NPAS3: variants seen among roughly 807,000 people sequenced by gnomAD.
The protein encoded by NPAS3 is neuronal PAS domain-containing protein 3.
A neutral mutation model predicts 73.1 loss-of-function variants in NPAS3; 14 were observed. The observed-to-expected ratio is 0.19, with a 90% CI of 0.13 to 0.30. NPAS3 has a LOEUF of 0.30. Ranked by LOEUF, NPAS3 falls within the 10% of genes least tolerant of loss-of-function variation. The pLI is 1.00. For synonymous variants in NPAS3, 620 were observed against 541.5 expected (o/e 1.14, Z -2.01); for missense variants, 1,096 against 1,250.0 (o/e 0.88, Z 1.86).
intron 4 of NPAS3, among the ~76,000 whole-genome samples, chr14:33,371,628 G>A (rs1244359107): frequency 6.6e-6 from 1 of 152,044 alleles, no homozygotes; most frequent in Non-Finnish European, 1.5e-5. Flanking sequence ...CCATTTTCCT[G>A]CTATTGAGTA....
intron 4 of NPAS3, among the ~76,000 whole-genome samples, chr14:33,434,262 C>G (rs1470658776): frequency 6.6e-6 from 1 of 152,032 alleles, no homozygotes; most frequent in African/African-American, 2.4e-5. Flanking sequence ...TGTGGTGGCT[C>G]ACACCTGTAA....
intron 2 of NPAS3, among the ~76,000 whole-genome samples, chr14:33,169,939 A>C (rs1174527362): frequency 6.6e-6 from 1 of 152,230 alleles, no homozygotes; most frequent in African/African-American, 2.4e-5. Flanking sequence ...ACATCAGTGA[A>C]AAGTGACCTA....
chr14:33,167,266 C>T (rs538686723), intron 2 of NPAS3, among the ~76,000 whole-genome samples: 1 of 152,170 alleles, frequency 6.6e-6, no homozygotes, highest in Non-Finnish European at 1.5e-5. Flanking sequence ...TCTATAAACT[C>T]TCTCAAAGTG....
intron 2 of NPAS3, among the ~76,000 whole-genome samples, chr14:33,172,168 CA>C (rs1206011378): frequency 6.6e-6 from 1 of 152,004 alleles, no homozygotes; most frequent in East Asian, 1.9e-4. Context: ...AATGAATTAC[CA>C]AAATGTGACA....
At chr14:33,736,234 C>A (rs2061520923) in intron 7 of NPAS3, among the ~76,000 whole-genome samples, 1 of 152,168 alleles carries the variant, frequency 6.6e-6, no homozygotes, top group South Asian at 2.1e-4. Flanking sequence ...ATGGTAACAG[C>A]CAGTATCATT....
chr14:33,035,338 C>T (rs2040129286), intron 1 of NPAS3, among the ~76,000 whole-genome samples: 1 of 151,942 alleles, frequency 6.6e-6, no homozygotes, highest in African/African-American at 2.4e-5. Context: ...CTAGGACTTG[C>T]CTTTGGAGGA....
chr14:33,478,233 T>C (rs2051140506), intron 4 of NPAS3, among the ~76,000 whole-genome samples: 1 of 152,172 alleles, frequency 6.6e-6, no homozygotes, highest in Admixed American at 6.5e-5. Flanking sequence ...CTAATAACAT[T>C]AAATCAACCT....
chr14:32,995,398 T>C (rs2038526336), intron 1 of NPAS3, among the ~76,000 whole-genome samples: 1 of 152,230 alleles, frequency 6.6e-6, no homozygotes, highest in Non-Finnish European at 1.5e-5. Context: ...ATGGTAGTCC[T>C]GGCTGAGGCC....
At chr14:33,516,432 T>A (rs1422859147) in intron 4 of NPAS3, among the ~76,000 whole-genome samples, 1 of 152,192 alleles carries the variant, frequency 6.6e-6, no homozygotes, top group Non-Finnish European at 1.5e-5. Context: ...ATCTTCCTGA[T>A]GAAATTACAT....
At chr14:33,755,969 C>T (rs7153296) in intron 7 of NPAS3, among the ~76,000 whole-genome samples, 36,081 of 151,870 alleles carry the variant, frequency 0.24, 4,648 homozygotes, top group African/African-American at 0.32. Context: ...ACTCACTCAC[C>T]CCTGAGGGAG....
At chr14:33,748,637 T>C (rs1169554873) in intron 7 of NPAS3, among the ~76,000 whole-genome samples, 2 of 152,212 alleles carry the variant, frequency 1.3e-5, no homozygotes, top group East Asian at 3.9e-4. Context: ...CTACCAGCAC[T>C]TTGCTTCTTA....
rs995437887 is a variant in NPAS3 at position 33,391,093 on chromosome 14, G to A, written c.468+23825G>A. On this transcript the variant is annotated intron_variant, in intron 4 of 11. Transcript: ENST00000356141. ...ACAATAAGGGGAATGCCAAGGCACAGAAGTCTGAAATAGTGTAAAACAAAA... is the reference window on the plus strand; with the variant it reads ...ACAATAAGGGGAATGCCAAGGCACAAAAGTCTGAAATAGTGTAAAACAAAA... Among the ~76,000 whole-genome samples the A allele has an allele frequency of 2.0e-5, 3 of 151,012 alleles. No homozygotes were observed. In the East Asian group the frequency reaches 5.8e-4, roughly 29 times the overall value.
intron 1 of NPAS3, among the ~76,000 whole-genome samples, chr14:32,985,658 A>G (rs189040568): frequency 4.4e-4 from 67 of 152,326 alleles, no homozygotes; most frequent in African/African-American, 1.6e-3. Flanking sequence ...CAACAAACTC[A>G]TAAGAAAAGA....
At chr14:33,208,422 A>G (rs1444142196) in intron 2 of NPAS3, among the ~76,000 whole-genome samples, 1 of 152,196 alleles carries the variant, frequency 6.6e-6, no homozygotes, top group Non-Finnish European at 1.5e-5. Context: ...AAGTTCAAAC[A>G]TACACAAGGC....
chr14:33,754,326 G>A (rs1000419195), intron 7 of NPAS3, among the ~76,000 whole-genome samples: 18 of 152,140 alleles, frequency 1.2e-4, no homozygotes, highest in African/African-American at 4.3e-4. Flanking sequence ...CAGAGTAAGA[G>A]CCTTTGGCCA....
intron 4 of NPAS3, among the ~76,000 whole-genome samples, chr14:33,544,788 T>TTATACATATATATATATATATATATATA (rs1555409892): frequency 1.6e-5 from 1 of 63,256 alleles, no homozygotes; most frequent in African/African-American, 8.6e-5. Flanking sequence ...TGTGTGTGTA[T>TTATACATATATATATATATATATATATA]TATATATATA....
At chr14:33,088,907 G>T (rs2042125287) in intron 2 of NPAS3, among the ~76,000 whole-genome samples, 1 of 152,200 alleles carries the variant, frequency 6.6e-6, no homozygotes, top group Admixed American at 6.5e-5. Flanking sequence ...TGATACCCAG[G>T]CAGACAGGGT....
At chr14:33,453,029 C>T (rs947161980) in intron 4 of NPAS3, among the ~76,000 whole-genome samples, 6 of 152,038 alleles carry the variant, frequency 3.9e-5, no homozygotes, top group South Asian at 2.1e-4. Context: ...ATGACATGAT[C>T]GTAGGTGACA....
At chr14:33,557,985 T>C (rs1373929252) in intron 4 of NPAS3, among the ~76,000 whole-genome samples, 1 of 152,032 alleles carries the variant, frequency 6.6e-6, no homozygotes, top group Non-Finnish European at 1.5e-5. Flanking sequence ...ATAAAAAAAA[T>C]GTAGATAATA....
Sources: allele counts gnomAD v4.1 joint callset (sites outside exome capture counted in the v4.1 genomes callset), GRCh38; gene constraint gnomAD v4.1.1; transcripts MANE v1.5; gene names NCBI Gene and HGNC (gene_info 2026-07-23, HGNC 2026-07-21).